Variants in RGPD8 observed in about 807,000 individuals in gnomAD.
The protein encoded by RGPD8 is RANBP2-like and GRIP domain-containing protein 8.
RGPD8 carries 15 observed loss-of-function variants against 89.1 expected under a neutral mutation model. The observed-to-expected ratio is 0.17, with a 90% CI of 0.11 to 0.26. The LOEUF (loss-of-function observed/expected upper bound fraction) is 0.26. RGPD8 is among the 10% of genes least tolerant of loss of function. The probability of loss-of-function intolerance (pLI) is 1.00; values close to 1 mark genes in which losing one functional copy is unlikely to be tolerated. For synonymous variants in RGPD8, 62 were observed against 420.9 expected (o/e 0.15, Z 10.44); for missense variants, 178 against 1,179.6 (o/e 0.15, Z 12.44).
intron 1 of RGPD8, among the ~76,000 whole-genome samples, chr2:112,432,355 C>T (rs1006248266): frequency 1.2e-4 from 18 of 151,100 alleles, no homozygotes; most frequent in African/African-American, 4.4e-4. Flanking sequence ...TAAGCAAAGG[C>T]AGCTACCAAA....
intron 1 of RGPD8, among the ~76,000 whole-genome samples, chr2:112,428,163 T>A (rs1679860310): frequency 1.3e-5 from 2 of 152,224 alleles, no homozygotes; most frequent in Admixed American, 1.3e-4. Flanking sequence ...GCAAAAAAAA[T>A]TATTTGAAAC....
chr2:112,387,742 C>T (rs1423760462), intron 20 of RGPD8, among the ~76,000 whole-genome samples: 4 of 144,632 alleles, frequency 2.8e-5, no homozygotes, highest in African/African-American at 1.0e-4. Flanking sequence ...CGTTAATGCG[C>T]ATGATTCAAG....
In RGPD8 at chr2:112,414,091, C is replaced by T. The variant is rs920347383; in HGVS notation, c.783-1465G>A. Among the ~76,000 whole-genome samples, 14 of 147,448 alleles carry T rather than the reference C, an allele frequency of 9.5e-5. 1 individual carries two copies. Among genetic ancestry groups the T allele is most frequent in the Admixed American group, 4.0e-4 (6 of 15,032 alleles). On this transcript the variant is annotated intron_variant, in intron 6 of 22. Coordinates refer to ENST00000302558, the MANE Select transcript of RGPD8 (RefSeq NM_001164463.1). ...GAGAATCTAGCTATGTTCTATTAAG[C>T]GAGACATTAAAAAGATTTACAACAA...
intron 7 of RGPD8, among the ~76,000 whole-genome samples, chr2:112,410,950 T>C (rs1452374564): frequency 5.3e-5 from 8 of 152,220 alleles, no homozygotes; most frequent in African/African-American, 1.9e-4. Context: ...ATGGGCGTGG[T>C]GGCGTGTGCC....
rs567064276 is a variant in RGPD8 at position 112,422,433 on chromosome 2, G to T, written c.252+115C>A. ...AAGCTGTGTCACATAATTGTACTATGATACCAATGCCTGTTTTATGATATT... is the reference window on the plus strand; with the variant it reads ...AAGCTGTGTCACATAATTGTACTATTATACCAATGCCTGTTTTATGATATT... On this transcript the variant is annotated intron_variant, in intron 3 of 22. Coordinates refer to ENST00000302558, the MANE Select transcript of RGPD8 (RefSeq NM_001164463.1). The T allele has an allele frequency of 4.1e-6, 6 of 1,468,072 alleles. No individual in the cohort carries two copies. The South Asian group carries it at 6.1e-5, about 15-fold the overall frequency. The allele number at this position is 1,468,072 out of a possible 1,614,324, so 90.9% of individuals were successfully genotyped here. A position where few individuals can be genotyped will look rare whatever the true frequency, so the allele number is the denominator to read the frequency against.
In RGPD8 at chr2:112,433,563, G is replaced by C. The variant is rs1248896374; in HGVS notation, c.-110C>G. ...AAGCCACTGAAGCAGCGGCGTAGCC[G>C]GCGGAGGCCCACTGTGACGAGCGTG... On this transcript the variant is annotated 5_prime_UTR_variant, in exon 1 of 23. Coordinates refer to ENST00000302558, the MANE Select transcript of RGPD8 (RefSeq NM_001164463.1). The C allele has an allele frequency of 1.0e-5, 12 of 1,181,028 alleles. No individual in the cohort carries two copies. The highest frequency in any genetic ancestry group is 1.5e-5 in the South Asian group (1 of 67,844). The allele number at this position is 1,181,028 out of a possible 1,614,324, so 73.2% of individuals were successfully genotyped here.
At chr2:112,426,089 A>T (rs1679756805) in intron 1 of RGPD8, among the ~76,000 whole-genome samples, 1 of 151,852 alleles carries the variant, frequency 6.6e-6, no homozygotes, top group South Asian at 2.1e-4. Flanking sequence ...CTTACCATAG[A>T]TCTCAGCAAC....
At chr2:112,432,457 A>C in intron 1 of RGPD8, 1 of 984,772 alleles carries the variant, frequency 1.0e-6, no homozygotes, top group Non-Finnish European at 1.2e-6. Context: ...AACACCTCAT[A>C]CTCAAAACAA....
chr2:112,373,014 G>A (rs1678000627), intron 22 of RGPD8, among the ~76,000 whole-genome samples: 1 of 144,362 alleles, frequency 6.9e-6, no homozygotes, highest in Non-Finnish European at 1.5e-5. Context: ...ACCCAGTCTG[G>A]GAGCAAAGAA....
intron 21 of RGPD8, among the ~76,000 whole-genome samples, chr2:112,379,549 T>G (rs1468216507): frequency 2.0e-5 from 3 of 147,146 alleles, no homozygotes; most frequent in Non-Finnish European, 4.5e-5. Context: ...GAGCTGAGAT[T>G]GCACCACTGC....
chr2:112,408,681 T>C (rs1468803114), intron 7 of RGPD8, among the ~76,000 whole-genome samples: 1 of 152,222 alleles, frequency 6.6e-6, no homozygotes, highest in Non-Finnish European at 1.5e-5. Context: ...TCCTTTTTTT[T>C]TTTTTTGAGA....
intron 22 of RGPD8, among the ~76,000 whole-genome samples, chr2:112,374,595 G>A (rs909302858): frequency 7.9e-6 from 1 of 127,224 alleles, no homozygotes; most frequent in Non-Finnish European, 1.7e-5. Context: ...TTACTCTTAT[G>A]TGACTAGAAG....
chr2:112,430,456 A>G (rs1353118581), intron 1 of RGPD8, among the ~76,000 whole-genome samples: 1 of 151,790 alleles, frequency 6.6e-6, no homozygotes, highest in East Asian at 1.9e-4. Context: ...TTGGGGGGGA[A>G]AAAAAGACTC....
intron 1 of RGPD8, chr2:112,432,737 G>C (rs549087171): frequency 1.0e-6 from 1 of 985,340 alleles, no homozygotes; most frequent in East Asian, 1.1e-4. Flanking sequence ...GCCCGGGCCA[G>C]GGCGAGCCCA....
At chr2:112,370,359 G>GGGGTCTT (rs1249646916) in intron 22 of RGPD8, 147 bp from the exon 23 acceptor site, 1 of 100,744 alleles carries the variant, frequency 9.9e-6, no homozygotes, top group African/African-American at 7.1e-5. Flanking sequence ...GGGGGGGGGG[G>GGGGTCTT]TTCTTTTTTT....
chr2:112,408,708 C>T (rs1469975075), intron 7 of RGPD8, among the ~76,000 whole-genome samples: 78 of 151,200 alleles, frequency 5.2e-4, no homozygotes, highest in African/African-American at 1.8e-3. Flanking sequence ...CTCGCTCTGT[C>T]GCCAGGCTGG....
chr2:112,432,839 T>C (rs1239252894), intron 1 of RGPD8, among the ~76,000 whole-genome samples: 1 of 152,242 alleles, frequency 6.6e-6, no homozygotes, highest in African/African-American at 2.4e-5. Context: ...GGACTCTTCC[T>C]GCGCTTGCAA....
At chr2:112,415,257 C>T (rs1434296358) in intron 6 of RGPD8, among the ~76,000 whole-genome samples, 7 of 152,410 alleles carry the variant, frequency 4.6e-5, no homozygotes, top group East Asian at 3.9e-4. Flanking sequence ...TGGTGGTGGG[C>T]GCCTGTAGTC....
At chr2:112,433,324 T>C in intron 1 of RGPD8, 58 bp downstream of exon 1, 1 of 1,356,608 alleles carries the variant, frequency 7.4e-7, no homozygotes, top group Non-Finnish European at 9.8e-7. Flanking sequence ...CCGGGCCGGG[T>C]CGAGGCCGCC....
Sources: allele counts gnomAD v4.1 joint callset (sites outside exome capture counted in the v4.1 genomes callset), GRCh38; gene constraint gnomAD v4.1.1; transcripts MANE v1.5; gene names NCBI Gene and HGNC (gene_info 2026-07-23, HGNC 2026-07-21).